The following SKAP1 variants were observed in gnomAD, a reference collection of about 807,000 sequenced individuals.
SKAP1 encodes src kinase-associated phosphoprotein 1.
Under a neutral mutation model 58.5 loss-of-function variants are expected in SKAP1, and 44 were observed. The observed-to-expected ratio is 0.75, with a 90% confidence interval of 0.59 to 0.97. SKAP1 has a LOEUF of 0.97. SKAP1 is among the 50% of genes least tolerant of loss of function. The pLI is 0.00. For synonymous variants in SKAP1, 127 were observed against 149.7 expected (o/e 0.85, Z 1.11); for missense variants, 390 against 435.2 (o/e 0.90, Z 0.92).
At chr17:48,220,436 T>C (rs2064988482) in intron 4 of SKAP1, among the ~76,000 whole-genome samples, 1 of 151,576 alleles carries the variant, frequency 6.6e-6, no homozygotes, top group South Asian at 2.1e-4. Flanking sequence ...AATGAAAGAG[T>C]CCAGACACAC....
At chr17:48,373,822 T>TA in intron 2 of SKAP1, among the ~76,000 whole-genome samples, 1 of 152,308 alleles carries the variant, frequency 6.6e-6, no homozygotes, top group African/African-American at 2.4e-5. Context: ...AATGGCATTA[T>TA]AAAACTAGCT....
chr17:48,170,867 C>T (rs1009956799), intron 9 of SKAP1, among the ~76,000 whole-genome samples: 4 of 151,966 alleles, frequency 2.6e-5, no homozygotes, highest in Non-Finnish European at 4.4e-5. Context: ...CCCACCACCA[C>T]GCCTAATTTT....
At chr17:48,332,942 C>A (rs1420228729) in intron 4 of SKAP1, among the ~76,000 whole-genome samples, 1 of 152,024 alleles carries the variant, frequency 6.6e-6, no homozygotes, top group Admixed American at 6.6e-5. Context: ...TGAGTGATAA[C>A]ATGGGTAAGA....
At chr17:48,320,552 A>T (rs573770121) in intron 4 of SKAP1, among the ~76,000 whole-genome samples, 2 of 152,344 alleles carry the variant, frequency 1.3e-5, no homozygotes, top group Admixed American at 6.5e-5. Context: ...AGTTTCTCTT[A>T]AAAATCTTAC....
chr17:48,210,121 G>T (rs929375782), intron 4 of SKAP1, among the ~76,000 whole-genome samples: 1 of 152,142 alleles, frequency 6.6e-6, no homozygotes, highest in Non-Finnish European at 1.5e-5. Context: ...GTACCTATGC[G>T]GTAGACCACT....
intron 4 of SKAP1, among the ~76,000 whole-genome samples, chr17:48,234,853 G>A (rs1319370033): frequency 6.6e-6 from 1 of 152,188 alleles, no homozygotes; most frequent in Non-Finnish European, 1.5e-5. Context: ...GAACAAGGAT[G>A]AGTTTTGAAA....
rs549049664 is a variant in SKAP1, at chr17:48,256,790, T to C, written c.281-67290A>G. Among the ~76,000 whole-genome samples the C allele has an allele frequency of 1.2e-4, 19 of 152,236 alleles. No homozygotes were observed. The South Asian group carries it at 3.9e-3, about 32-fold the overall frequency. Reference sequence around the variant, plus strand: ...AAGGTAAGGAAGGAAGAAGCTAAGCTATAAATAAAAAATATTTCTAGAAAT... The same window carrying C: ...AAGGTAAGGAAGGAAGAAGCTAAGCCATAAATAAAAAATATTTCTAGAAAT... On this transcript the variant is annotated intron_variant, in intron 4 of 12. Transcript: ENST00000336915.
intron 4 of SKAP1, chr17:48,196,753 C>T (rs913167809): frequency 1.3e-5 from 2 of 152,196 alleles, no homozygotes; most frequent in African/African-American, 4.8e-5. Flanking sequence ...CTGTATCATT[C>T]CAATTTTAGT....
intron 4 of SKAP1, among the ~76,000 whole-genome samples, chr17:48,216,275 G>A (rs1360811313): frequency 6.6e-6 from 1 of 152,156 alleles, no homozygotes; most frequent in Non-Finnish European, 1.5e-5. Flanking sequence ...GATCTTGTTT[G>A]AGTTATAGAA....
chr17:48,168,031 A>G (rs1304922133), intron 10 of SKAP1, among the ~76,000 whole-genome samples: 1 of 152,212 alleles, frequency 6.6e-6, no homozygotes, highest in Non-Finnish European at 1.5e-5. Flanking sequence ...AGCTCTTTAT[A>G]GATTGAGCAA....
At chr17:48,398,664 T>C (rs779562313) in intron 1 of SKAP1, among the ~76,000 whole-genome samples, 2 of 152,078 alleles carry the variant, frequency 1.3e-5, no homozygotes, top group African/African-American at 4.8e-5. Context: ...ACCTAAAAAT[T>C]TGTTTTATAT....
At chr17:48,337,338 T>C (rs2066586971) in intron 4 of SKAP1, among the ~76,000 whole-genome samples, 1 of 152,238 alleles carries the variant, frequency 6.6e-6, no homozygotes, top group Non-Finnish European at 1.5e-5. Context: ...TTAACCTTTC[T>C]TTTTTACTTG....
chr17:48,168,874 T>C (rs1009622399), intron 10 of SKAP1, among the ~76,000 whole-genome samples: 7 of 152,236 alleles, frequency 4.6e-5, no homozygotes, highest in African/African-American at 1.7e-4. Flanking sequence ...TCACCATTTC[T>C]ATAGCGCCTT....
At chr17:48,359,893 C>T (rs2066915613) in intron 3 of SKAP1, among the ~76,000 whole-genome samples, 1 of 152,114 alleles carries the variant, frequency 6.6e-6, no homozygotes, top group African/African-American at 2.4e-5. Context: ...GCATGAGCCA[C>T]TGTGCCTGGC....
intron 11 of SKAP1, among the ~76,000 whole-genome samples, chr17:48,141,170 C>T (rs2063762895): frequency 6.6e-6 from 1 of 152,056 alleles, no homozygotes; most frequent in African/African-American, 2.4e-5. Flanking sequence ...TCTTTCCGTT[C>T]CCAGTTGCCA....
At chr17:48,300,218 G>A (rs1000538302) in intron 4 of SKAP1, among the ~76,000 whole-genome samples, 2 of 152,112 alleles carry the variant, frequency 1.3e-5, no homozygotes, top group African/African-American at 4.8e-5. Flanking sequence ...TGGGGAGAAT[G>A]TGGAGAATAA....
the SKAP1 span, among the ~76,000 whole-genome samples, chr17:48,442,189 G>A: frequency 4.6e-5 from 7 of 152,292 alleles, no homozygotes; most frequent in African/African-American, 1.2e-4. Context: ...ACCTGAGTGC[G>A]TTGTGGCCAT....
rs181837642 is a variant in SKAP1, at chr17:48,237,949, C to T, written c.281-48449G>A. 5.4e-5 allele frequency among the ~76,000 whole-genome samples: 8 copies of T among 148,354 alleles called. No homozygotes were observed. In the East Asian group the frequency reaches 5.9e-4, roughly 11 times the overall value. On this transcript the variant is annotated intron_variant, in intron 4 of 12. Transcript: ENST00000336915. ...TTTTTTTTTTTTTGAGATAGAGCCT[C>T]GCTCTGCTTTTGTTGTTGTTGTTGT...
chr17:48,389,781 A>C (rs2067323991), intron 2 of SKAP1, among the ~76,000 whole-genome samples: 1 of 152,146 alleles, frequency 6.6e-6, no homozygotes, highest in South Asian at 2.1e-4. Context: ...GATTATAAAA[A>C]CCCACTTTAT....
Sources: allele counts gnomAD v4.1 joint callset (sites outside exome capture counted in the v4.1 genomes callset), GRCh38; gene constraint gnomAD v4.1.1; transcripts MANE v1.5; gene names NCBI Gene and HGNC (gene_info 2026-07-23, HGNC 2026-07-21).